Variants in CDH20 observed in about 807,000 individuals in gnomAD.
CDH20 encodes cadherin 20.
In CDH20, 29 loss-of-function variants were observed where a neutral mutation model predicts 74.2. The ratio of observed to expected loss-of-function variants is 0.39; its 90% CI spans 0.29 to 0.53. The LOEUF is 0.53. Among genes scored for constraint, CDH20 ranks in the 20% least tolerant of loss-of-function variants. The pLI is 0.69. For synonymous variants in CDH20, 469 were observed against 405.4 expected (o/e 1.16, Z -1.88); for missense variants, 988 against 1,048.3 (o/e 0.94, Z 0.79).
chr18:61,401,821 A>G (rs1051821532), intron 1 of CDH20, among the ~76,000 whole-genome samples: 2 of 152,206 alleles, frequency 1.3e-5, no homozygotes, highest in African/African-American at 4.8e-5. Flanking sequence ...AGGAGATAAA[A>G]TTTGCATTTA....
chr18:61,352,522 T>C (rs1599031031), intron 1 of CDH20, among the ~76,000 whole-genome samples: 1 of 152,232 alleles, frequency 6.6e-6, no homozygotes, highest in East Asian at 1.9e-4. Flanking sequence ...GTTGTACTAA[T>C]TATTACAGCA....
chr18:61,539,408 C>A (rs527987624), intron 9 of CDH20, among the ~76,000 whole-genome samples: 7 of 152,212 alleles, frequency 4.6e-5, no homozygotes, highest in South Asian at 4.1e-4. Context: ...GAGTTTGAGA[C>A]CAGCCTGGGC....
In CDH20 at chr18:61,395,519, C is replaced by T. The variant is rs555367052; in HGVS notation, c.-153+61692C>T. Among the ~76,000 whole-genome samples, 3 of 152,228 alleles carry T rather than the reference C, an allele frequency of 2.0e-5. No homozygotes were observed. In the South Asian group the frequency reaches 6.2e-4, roughly 32 times the overall value. ...ACTGGTTCTTTGATCTCCTTACCTC[C>T]AAAGACCTTCTCCCTCACATCATCT... On this transcript the variant is annotated intron_variant, in intron 1 of 11. Coordinates refer to ENST00000262717, the MANE Select transcript of CDH20 (RefSeq NM_031891.4).
intron 1 of CDH20, among the ~76,000 whole-genome samples, chr18:61,408,750 G>T (rs760097895): frequency 1.8e-4 from 28 of 152,098 alleles, no homozygotes; most frequent in African/African-American, 5.8e-4. Flanking sequence ...TAAACCATTT[G>T]GTCCTCTTAA....
intron 10 of CDH20, among the ~76,000 whole-genome samples, chr18:61,548,130 G>A (rs1038996103): frequency 1.2e-4 from 18 of 152,212 alleles, no homozygotes; most frequent in Admixed American, 3.9e-4. Flanking sequence ...AAAGGTGCAC[G>A]GGTTGTTTGG....
intron 1 of CDH20, among the ~76,000 whole-genome samples, chr18:61,363,994 G>T (rs770359145): frequency 6.6e-6 from 1 of 151,580 alleles, no homozygotes; most frequent in African/African-American, 2.4e-5. Context: ...GTGCATCTGT[G>T]CTGCTGAGTG....
intron 7 of CDH20, among the ~76,000 whole-genome samples, chr18:61,530,713 G>A (rs1437037443): frequency 1.3e-5 from 2 of 152,168 alleles, no homozygotes; most frequent in East Asian, 1.9e-4. Context: ...TGGATCCCCT[G>A]AATTTTTAAT....
At chr18:61,351,786 A>G (rs1464637213) in intron 1 of CDH20, among the ~76,000 whole-genome samples, 1 of 152,080 alleles carries the variant, frequency 6.6e-6, no homozygotes, top group Non-Finnish European at 1.5e-5. Flanking sequence ...TACCTGTGTC[A>G]TGAGATTGAT....
rs572653707 is a variant in CDH20, at chr18:61,547,708, GC to G, written c.1649-2263del. ...TAGAAATTGAGTCCTGTTTTACCATGCCCCCCCACTACACCCCCGCCCCACA... is the reference window on the plus strand; with the variant it reads ...TAGAAATTGAGTCCTGTTTTACCATGCCCCCCACTACACCCCCGCCCCACA... On this transcript the variant is annotated intron_variant, in intron 10 of 11. Transcript: ENST00000262717. Among the ~76,000 whole-genome samples the G allele has an allele frequency of 6.0e-5, 9 of 150,772 alleles. No individual in the cohort carries two copies. The South Asian group carries it at 6.3e-4, about 11-fold the overall frequency.
intron 1 of CDH20, among the ~76,000 whole-genome samples, chr18:61,367,187 G>A (rs977839630): frequency 2.3e-4 from 35 of 152,240 alleles, no homozygotes; most frequent in Admixed American, 1.5e-3. Context: ...AAAGTAAGAA[G>A]AGAAGCACGG....
chr18:61,480,695 C>G (rs771848282), intron 1 of CDH20, among the ~76,000 whole-genome samples: 46 of 152,086 alleles, frequency 3.0e-4, no homozygotes, highest in Non-Finnish European at 1.2e-4. Context: ...ATCTTGGATC[C>G]GAAGATTTAT....
intron 1 of CDH20, among the ~76,000 whole-genome samples, chr18:61,395,703 A>G (rs768195795): frequency 2.6e-5 from 4 of 152,216 alleles, no homozygotes; most frequent in Non-Finnish European, 4.4e-5. Flanking sequence ...TTCTACTAGT[A>G]AAAACATATA....
At chr18:61,340,814 T>G (rs1909923931) in intron 1 of CDH20, among the ~76,000 whole-genome samples, 1 of 152,216 alleles carries the variant, frequency 6.6e-6, no homozygotes, top group African/African-American at 2.4e-5. Context: ...GTAATTTCCT[T>G]TAGCAATTTA....
In CDH20 at chr18:61,456,110, C is replaced by T. The variant is rs1329953643; in HGVS notation, c.-152-34292C>T. ...GTTTGGGGTGGCCCCATTCCACAGT[C>T]TATTGCTAACCTCAATCCTCTAGCC... On this transcript the variant is annotated intron_variant, in intron 1 of 11. Transcript: ENST00000262717. Among the ~76,000 whole-genome samples, 5 of 152,214 alleles carry T rather than the reference C, an allele frequency of 3.3e-5. No homozygotes were observed. The East Asian group carries it at 9.6e-4, about 29-fold the overall frequency.
At chr18:61,540,195 A>G (rs1368253710) in intron 9 of CDH20, among the ~76,000 whole-genome samples, 1 of 151,768 alleles carries the variant, frequency 6.6e-6, no homozygotes. Context: ...GCCCTTCCCC[A>G]CCCCAGTATA....
At chr18:61,432,408 C>T (rs531063443) in intron 1 of CDH20, among the ~76,000 whole-genome samples, 130 of 152,220 alleles carry the variant, frequency 8.5e-4, no homozygotes, top group African/African-American at 3.1e-3. Flanking sequence ...GTGCCCAGAC[C>T]TTGGCAGTTA....
chr18:61,337,058 G>T (rs1355780749), intron 1 of CDH20, among the ~76,000 whole-genome samples: 5 of 152,200 alleles, frequency 3.3e-5, no homozygotes, highest in African/African-American at 1.2e-4. Flanking sequence ...ACAGTTAATT[G>T]TTCATTCTGA....
chr18:61,514,146 G>A (rs1289446960), intron 6 of CDH20, among the ~76,000 whole-genome samples: 5 of 152,122 alleles, frequency 3.3e-5, no homozygotes. Context: ...CCAATCAGAC[G>A]TAGATTTGGT....
At chr18:61,408,176 G>C (rs556393267) in intron 1 of CDH20, among the ~76,000 whole-genome samples, 2 of 152,230 alleles carry the variant, frequency 1.3e-5, no homozygotes, top group East Asian at 3.9e-4. Context: ...GGGGAAAATA[G>C]AAGTGGGGAG....
Sources: allele counts gnomAD v4.1 joint callset (sites outside exome capture counted in the v4.1 genomes callset), GRCh38; gene constraint gnomAD v4.1.1; transcripts MANE v1.5; gene names NCBI Gene and HGNC (gene_info 2026-07-23, HGNC 2026-07-21).